The following TADA2A variants were observed in gnomAD, a reference collection of about 807,000 sequenced individuals.
TADA2A encodes transcriptional adapter 2-alpha.
A neutral mutation model predicts 67.4 loss-of-function variants in TADA2A; 38 were observed. The observed-to-expected ratio is 0.56, with a 90% CI of 0.44 to 0.74. The LOEUF (loss-of-function observed/expected upper bound fraction) is 0.74. Ranked by LOEUF, TADA2A falls within the 30% of genes least tolerant of loss-of-function variation. TADA2A has a pLI of 0.00. For missense variants in TADA2A, 454 were observed against 547.0 expected (o/e 0.83, Z 1.70); for synonymous variants, 192 against 181.6 (o/e 1.06, Z -0.46).
intron 4 of TADA2A, among the ~76,000 whole-genome samples, chr17:37,428,082 G>A (rs1304658653): frequency 6.6e-6 from 1 of 152,142 alleles, no homozygotes; most frequent in African/African-American, 2.4e-5. Context: ...CCATGCAGTT[G>A]TTCTTACAGG....
intron 12 of TADA2A, 39 bp from the exon 13 acceptor site, chr17:37,470,361 G>T: frequency 6.2e-7 from 1 of 1,612,134 alleles, no homozygotes; most frequent in Non-Finnish European, 8.5e-7. Flanking sequence ...CAGTTCTGCT[G>T]CATTGTCATT....
chr17:37,472,019 G>T (rs756753540), intron 14 of TADA2A, among the ~76,000 whole-genome samples: 1 of 151,840 alleles, frequency 6.6e-6, no homozygotes, highest in Non-Finnish European at 1.5e-5. Context: ...ATTGGGGGAG[G>T]TATGTCTCAG....
chr17:37,458,631 A>G (rs1416422294), intron 9 of TADA2A, 44 bp downstream of exon 9: 2 of 1,369,460 alleles, frequency 1.5e-6, no homozygotes, highest in African/African-American at 1.6e-5. Context: ...GCTTTGGATT[A>G]TTGTTTTGTG....
At chr17:37,460,251 A>T (rs577421539) in intron 9 of TADA2A, among the ~76,000 whole-genome samples, 19 of 149,780 alleles carry the variant, frequency 1.3e-4, no homozygotes, top group Admixed American at 1.1e-3. Flanking sequence ...TTTTTATTTT[A>T]TTATTATTAC....
Position 37,417,684 on chromosome 17 carries a change from G to A in TADA2A, c.26-5825G>A, listed in dbSNP as rs756222022. ...CGAGTAGCTAGGACTACAGGTGTGC[G>A]TCACCAGGCCCAGACAATTTTTGTA... On this transcript the variant is annotated intron_variant, in intron 2 of 15. Coordinates refer to ENST00000615182, the MANE Select transcript of TADA2A (RefSeq NM_001166105.3). Among the ~76,000 whole-genome samples, 69 of 151,714 alleles carry A rather than the reference G, an allele frequency of 4.5e-4. 1 individual carries two copies. The highest frequency in any genetic ancestry group is 2.8e-3 in the Admixed American group (42 of 15,188).
chr17:37,411,037 T>A (rs1479127250), intron 1 of TADA2A, among the ~76,000 whole-genome samples: 2 of 152,236 alleles, frequency 1.3e-5, no homozygotes, highest in African/African-American at 4.8e-5. Context: ...GGTACCATGC[T>A]ACATTACTTA....
chr17:37,456,539 C>T (rs748032053), intron 8 of TADA2A, among the ~76,000 whole-genome samples: 8 of 152,162 alleles, frequency 5.3e-5, no homozygotes, highest in South Asian at 2.1e-4. Context: ...GGCTAAGACT[C>T]ATCGACTATG....
chr17:37,473,531 C>G (rs1346185594), intron 14 of TADA2A, among the ~76,000 whole-genome samples: 1 of 152,144 alleles, frequency 6.6e-6, no homozygotes, highest in Non-Finnish European at 1.5e-5. Context: ...ACCAGTGGAG[C>G]TTGTAACAGT....
intron 7 of TADA2A, 24 bp from the exon 8 acceptor site, chr17:37,444,672 G>C: frequency 6.2e-7 from 1 of 1,609,210 alleles, no homozygotes; most frequent in Non-Finnish European, 8.5e-7. Context: ...TTTGGGGTGG[G>C]GATTTTTTTG....
chr17:37,458,232 T>G (rs1368883085), intron 8 of TADA2A, among the ~76,000 whole-genome samples: 2 of 152,246 alleles, frequency 1.3e-5, no homozygotes, highest in Non-Finnish European at 2.9e-5. Context: ...CTAGCTCCAT[T>G]CATGTCCTGG....
chr17:37,460,690 C>T (rs1421431537), intron 9 of TADA2A, among the ~76,000 whole-genome samples: 1 of 152,210 alleles, frequency 6.6e-6, no homozygotes, highest in Non-Finnish European at 1.5e-5. Context: ...AGTATACATT[C>T]AGACTTAGAA....
intron 8 of TADA2A, among the ~76,000 whole-genome samples, chr17:37,448,818 G>A (rs993597609): frequency 3.3e-5 from 5 of 152,086 alleles, no homozygotes; most frequent in Admixed American, 3.3e-4. Flanking sequence ...CCTCTGTTCT[G>A]GAAAGGTAAT....
chr17:37,456,158 C>T (rs2053385831), intron 8 of TADA2A, among the ~76,000 whole-genome samples: 1 of 152,094 alleles, frequency 6.6e-6, no homozygotes, highest in South Asian at 2.1e-4. Context: ...GAGCCAAGCG[C>T]CCCTGCACTC....
At chr17:37,456,156 C>T (rs1393546197) in intron 8 of TADA2A, among the ~76,000 whole-genome samples, 73 of 152,086 alleles carry the variant, frequency 4.8e-4, no homozygotes, top group East Asian at 1.9e-4. Context: ...GTGAGCCAAG[C>T]GCCCCTGCAC....
At chr17:37,442,715 C>G in intron 7 of TADA2A, 63 bp downstream of exon 7, 2 of 1,479,098 alleles carry the variant, frequency 1.4e-6, no homozygotes, top group East Asian at 2.3e-5. Flanking sequence ...CATGAGCCTT[C>G]TGTCTCACCC....
In TADA2A at chr17:37,465,428, T is replaced by C. The variant is rs748476617; in HGVS notation, c.713-3T>C. 7 of 1,607,580 alleles carry C rather than the reference T, an allele frequency of 4.4e-6. 1 individual carries two copies. Among genetic ancestry groups the C allele is most frequent in the Non-Finnish European group, 6.0e-6 (7 of 1,175,550 alleles). On this transcript the variant is annotated splice_polypyrimidine_tract_variant and splice_region_variant and intron_variant, in intron 10 of 15. Transcript: ENST00000615182. ...ACACATTTATGTTTTATTTTCTCTG[T>C]AGTAATGGAACGGCGGTATCCCAAG...
At chr17:37,444,546 T>G (rs187079686) in intron 7 of TADA2A, 150 bp from the exon 8 acceptor site, 1 of 683,518 alleles carries the variant, frequency 1.5e-6, no homozygotes, top group African/African-American at 1.8e-5. Context: ...CTATTACCTG[T>G]GCCAGTATTG....
At position 37,477,095 on chromosome 17, in the gene TADA2A, C is replaced by A; in HGVS notation, c.*113C>A. The A allele has an allele frequency of 2.6e-6, 3 of 1,139,136 alleles. No individual in the cohort carries two copies. Among genetic ancestry groups the A allele is most frequent in the Non-Finnish European group, 3.7e-6 (3 of 807,822 alleles). 70.6% of individuals were successfully genotyped at this position (1,139,136 alleles called of 1,614,324 possible). ...TTCAGCTGAATTCTCATGGTGAAAACAGGGGAAAGGACAAAGGAAACCTTA... is the reference window on the plus strand; with the variant it reads ...TTCAGCTGAATTCTCATGGTGAAAAAAGGGGAAAGGACAAAGGAAACCTTA... On this transcript the variant is annotated 3_prime_UTR_variant, in exon 16 of 16. Coordinates refer to ENST00000615182, the MANE Select transcript of TADA2A (RefSeq NM_001166105.3).
chr17:37,439,789 G>A (rs1398901904), intron 5 of TADA2A, among the ~76,000 whole-genome samples: 1 of 151,884 alleles, frequency 6.6e-6, no homozygotes, highest in African/African-American at 2.4e-5. Context: ...AAAATATTAG[G>A]CAAAATAAAA....
Sources: gnomAD v4.1 joint callset for allele counts (sites outside exome capture counted in the v4.1 genomes callset) on GRCh38, gnomAD v4.1.1 for gene constraint, MANE v1.5 for transcripts, NCBI Gene and HGNC (gene_info 2026-07-23, HGNC 2026-07-21) for gene names.